APLF: variants seen among roughly 807,000 people sequenced by gnomAD.
The protein encoded by APLF is aprataxin and PNKP like factor, also known as aprataxin and PNK-like factor.
A neutral mutation model predicts 55.6 loss-of-function variants in APLF; 61 were observed. The observed-to-expected ratio is 1.10, with a 90% CI of 0.89 to 1.36. APLF has a LOEUF of 1.36. Among genes scored for constraint, APLF ranks in the 40% most tolerant of loss-of-function variants. The pLI is 0.00. For missense variants in APLF, 611 were observed against 602.5 expected (o/e 1.01, Z -0.15); for synonymous variants, 207 against 214.8 (o/e 0.96, Z 0.32).
intron 1 of APLF, among the ~76,000 whole-genome samples, chr2:68,468,108 A>G (rs921045419): frequency 2.6e-5 from 4 of 152,248 alleles, no homozygotes; most frequent in East Asian, 1.9e-4. Flanking sequence ...GTATGGCCCC[A>G]TGAACTAAGA....
At chr2:68,475,392 T>C (rs1393185932) in intron 1 of APLF, among the ~76,000 whole-genome samples, 1 of 152,204 alleles carries the variant, frequency 6.6e-6, no homozygotes, top group Non-Finnish European at 1.5e-5. Context: ...TCAAAAAGCA[T>C]TGGATTTGCT....
At chr2:68,474,661 A>G (rs1304719214) in intron 1 of APLF, among the ~76,000 whole-genome samples, 1 of 152,048 alleles carries the variant, frequency 6.6e-6, no homozygotes, top group Non-Finnish European at 1.5e-5. Flanking sequence ...TTCTGTAGGT[A>G]GTGTCTGGGT....
In APLF at chr2:68,538,154, G is replaced by A. The variant is rs1244066654; in HGVS notation, c.1087G>A (p.Asp363Asn). 3 of 1,614,086 alleles carry A rather than the reference G, an allele frequency of 1.9e-6. No homozygotes were observed. The highest frequency in any genetic ancestry group is 2.5e-6 in the Non-Finnish European group (3 of 1,180,002). ...NPETLHAKAT[D>N]SVLQGSEGNK... ...TGAAACTTTGCATGCAAAGGCAACTGATTCAGTTCTACAAGGTTCTGAAGG... is the reference window on the plus strand; with the variant it reads ...TGAAACTTTGCATGCAAAGGCAACTAATTCAGTTCTACAAGGTTCTGAAGG... The change falls in exon 7 of 10, where the codon GAT becomes AAT. Residue 363 changes from aspartate (D) to asparagine (N), a missense_variant. Physicochemically the swap from Asp to Asn is conservative, Grantham distance 23 (BLOSUM62 1). Transcript: ENST00000303795.
chr2:68,473,535 G>A (rs918294327), intron 1 of APLF, among the ~76,000 whole-genome samples: 2 of 152,174 alleles, frequency 1.3e-5, no homozygotes, highest in African/African-American at 4.8e-5. Flanking sequence ...ACAGTTGCTG[G>A]ATTGGATAGT....
intron 1 of APLF, among the ~76,000 whole-genome samples, chr2:68,473,367 G>GTATT (rs1276834577): frequency 1.3e-5 from 2 of 152,104 alleles, no homozygotes; most frequent in African/African-American, 4.8e-5. Flanking sequence ...TTTTAGTGAT[G>GTATT]AATAATATTC....
intron 5 of APLF, among the ~76,000 whole-genome samples, chr2:68,518,802 T>TCTC (rs368149308): frequency 1.4e-4 from 3 of 21,614 alleles, no homozygotes; most frequent in African/African-American, 8.8e-4. Context: ...ATTAATAATC[T>TCTC]ATCATATAAT....
chr2:68,476,476 CAAAAAAA>C (rs768968249), intron 1 of APLF, among the ~76,000 whole-genome samples: 2 of 76,504 alleles, frequency 2.6e-5, no homozygotes, highest in Non-Finnish European at 5.5e-5. Flanking sequence ...GAGTGAGACT[CAAAAAAA>C]AAAAAAAAAA....
chr2:68,561,598 A>C (rs1021162618), intron 8 of APLF, among the ~76,000 whole-genome samples: 6 of 152,078 alleles, frequency 3.9e-5, no homozygotes, highest in African/African-American at 1.4e-4. Context: ...TCATATTTTC[A>C]TTGTTTCCTG....
chr2:68,528,252 T>C (rs1573224541), intron 6 of APLF: 1 of 1,283,416 alleles, frequency 7.8e-7, no homozygotes, highest in Admixed American at 2.0e-5. Flanking sequence ...TGCTGTCTCT[T>C]CTTTCTCCTC....
intron 1 of APLF, among the ~76,000 whole-genome samples, chr2:68,473,507 A>G (rs962713818): frequency 6.6e-6 from 1 of 152,186 alleles, no homozygotes; most frequent in Non-Finnish European, 1.5e-5. Flanking sequence ...CAACTCATTT[A>G]GGTAGATACT....
intron 8 of APLF, among the ~76,000 whole-genome samples, chr2:68,545,940 A>G (rs1211237253): frequency 6.6e-6 from 1 of 152,118 alleles, no homozygotes; most frequent in Admixed American, 6.6e-5. Context: ...ACAAACTATC[A>G]AAGAAAAAAG....
chr2:68,511,984 T>G (rs1669392358), intron 3 of APLF, among the ~76,000 whole-genome samples: 1 of 151,732 alleles, frequency 6.6e-6, no homozygotes, highest in Non-Finnish European at 1.5e-5. Flanking sequence ...AAGCGGTTAA[T>G]TAGACTTTTC....
chr2:68,574,123 GGAATATTGTAATGA>G (rs1037200979), intron 9 of APLF, among the ~76,000 whole-genome samples: 64 of 150,794 alleles, frequency 4.2e-4, no homozygotes, highest in East Asian at 3.5e-3. Flanking sequence ...AATTTACTTG[GGAATATTGTAATGA>G]GAATACGTGT....
chr2:68,549,087 A>T (rs981594006), intron 8 of APLF, among the ~76,000 whole-genome samples: 7 of 151,912 alleles, frequency 4.6e-5, no homozygotes, highest in African/African-American at 1.7e-4. Context: ...CATTTTTTTT[A>T]ACAGTTTATC....
chr2:68,574,669 T>A (rs1671573032), intron 9 of APLF, among the ~76,000 whole-genome samples: 1 of 152,204 alleles, frequency 6.6e-6, no homozygotes, highest in African/African-American at 2.4e-5. Flanking sequence ...TGATGACAGA[T>A]ATAAACTTTT....
At chr2:68,572,321 C>T (rs968492477) in intron 9 of APLF, among the ~76,000 whole-genome samples, 7 of 151,906 alleles carry the variant, frequency 4.6e-5, no homozygotes, top group Admixed American at 1.3e-4. Context: ...TAAAATGAAG[C>T]GTTATTAAAA....
At chr2:68,477,515 C>T (rs762516325) in intron 1 of APLF, among the ~76,000 whole-genome samples, 7 of 152,048 alleles carry the variant, frequency 4.6e-5, no homozygotes, top group Admixed American at 6.6e-5. Context: ...GTGGTACATG[C>T]CTGTAATCCC....
At chr2:68,468,141 T>C (rs1186326459) in intron 1 of APLF, among the ~76,000 whole-genome samples, 1 of 152,204 alleles carries the variant, frequency 6.6e-6, no homozygotes. Flanking sequence ...TTCTGAAATG[T>C]AAAATGTAAA....
chr2:68,573,328 C>T (rs977454680), intron 9 of APLF, among the ~76,000 whole-genome samples: 3 of 152,118 alleles, frequency 2.0e-5, no homozygotes, highest in African/African-American at 7.2e-5. Flanking sequence ...AATTAGAACT[C>T]TGGAGTTAGA....
Sources: allele counts gnomAD v4.1 joint callset (sites outside exome capture counted in the v4.1 genomes callset), GRCh38; gene constraint gnomAD v4.1.1; transcripts MANE v1.5; gene names NCBI Gene and HGNC (gene_info 2026-07-23, HGNC 2026-07-21).